Variants in SRGAP1 observed in about 807,000 individuals in gnomAD.
The protein encoded by SRGAP1 is SLIT-ROBO Rho GTPase activating protein 1, also known as SLIT-ROBO Rho GTPase-activating protein 1.
In SRGAP1, 43 loss-of-function variants were observed where a neutral mutation model predicts 121.9. That is an observed-to-expected ratio of 0.35 (90% CI 0.28 to 0.46). The LOEUF is 0.46. SRGAP1 is among the 20% of genes least tolerant of loss of function. SRGAP1 has a pLI of 1.00. For synonymous variants in SRGAP1, 447 were observed against 485.4 expected (o/e 0.92, Z 1.04); for missense variants, 1,102 against 1,350.9 (o/e 0.82, Z 2.89).
chr12:64,134,337 C>T (rs528408671), intron 21 of SRGAP1, among the ~76,000 whole-genome samples: 6 of 151,360 alleles, frequency 4.0e-5, no homozygotes, highest in Admixed American at 1.3e-4. Context: ...AGGAGAATGG[C>T]GTGAACCCGG....
intron 1 of SRGAP1, among the ~76,000 whole-genome samples, chr12:63,859,562 C>T (rs955233908): frequency 6.6e-6 from 1 of 152,040 alleles, no homozygotes; most frequent in East Asian, 1.9e-4. Flanking sequence ...ATTTATTGTT[C>T]TTTACCTATT....
intron 4 of SRGAP1, among the ~76,000 whole-genome samples, chr12:64,020,896 AG>A (rs2034532067): frequency 1.3e-5 from 2 of 151,570 alleles, no homozygotes; most frequent in South Asian, 4.2e-4. Context: ...CCTTGAACAA[AG>A]GTTCTCAAAA....
chr12:63,958,049 A>G (rs2032528085), intron 1 of SRGAP1, among the ~76,000 whole-genome samples: 2 of 143,062 alleles, frequency 1.4e-5, no homozygotes, highest in South Asian at 4.6e-4. Context: ...CTTTGAAACT[A>G]GCTTCTTTTC....
At chr12:64,011,451 G>C (rs1197499142) in intron 3 of SRGAP1, among the ~76,000 whole-genome samples, 2 of 152,100 alleles carry the variant, frequency 1.3e-5, no homozygotes, top group African/African-American at 4.8e-5. Flanking sequence ...CTTCTAACAT[G>C]TATCAGGAGT....
chr12:64,108,810 A>T, intron 15 of SRGAP1, 122 bp from the exon 16 acceptor site: 1 of 551,464 alleles, frequency 1.8e-6, no homozygotes, highest in Non-Finnish European at 3.0e-6. Flanking sequence ...TTACAATTGG[A>T]TCTCACACAA....
chr12:63,948,793 T>C (rs1267403993), intron 1 of SRGAP1, among the ~76,000 whole-genome samples: 2 of 144,726 alleles, frequency 1.4e-5, no homozygotes, highest in South Asian at 2.2e-4. Flanking sequence ...ATATATGTTT[T>C]CCATATATAT....
chr12:64,130,422 G>A (rs1200368140), intron 21 of SRGAP1, among the ~76,000 whole-genome samples: 2 of 152,140 alleles, frequency 1.3e-5, no homozygotes, highest in Non-Finnish European at 2.9e-5. Flanking sequence ...TTGCTAGGGG[G>A]TCACTAGGGA....
intron 1 of SRGAP1, among the ~76,000 whole-genome samples, chr12:63,879,908 C>T (rs1166211355): frequency 3.9e-5 from 6 of 152,092 alleles, no homozygotes; most frequent in East Asian, 1.9e-4. Context: ...CCAAGATGGC[C>T]GTTGATTGGA....
rs528732589 is a variant in SRGAP1, at chr12:64,006,855, G to A, written c.427-10095G>A. Among the ~76,000 whole-genome samples the A allele has an allele frequency of 4.6e-5, 7 of 152,244 alleles. No homozygotes were observed. In the East Asian group the frequency reaches 1.4e-3, roughly 29 times the overall value. ...CTGTTGACTTTTAAAAGCCCTGTTA[G>A]TAATTTAAATCCAGAATATTTTTAT... is the stretch of plus-strand genomic sequence containing the variant. On this transcript the variant is annotated intron_variant, in intron 3 of 21. Transcript: ENST00000355086.
chr12:63,943,488 A>C (rs1472154676), intron 1 of SRGAP1, among the ~76,000 whole-genome samples: 1 of 152,246 alleles, frequency 6.6e-6, no homozygotes, highest in African/African-American at 2.4e-5. Context: ...TTACACTTAA[A>C]GAAATTGAGG....
At chr12:64,017,791 A>G (rs1287241823) in intron 4 of SRGAP1, among the ~76,000 whole-genome samples, 1 of 152,022 alleles carries the variant, frequency 6.6e-6, no homozygotes, top group Non-Finnish European at 1.5e-5. Context: ...TTTGAAGGAT[A>G]TCTTTTTTTT....
intron 1 of SRGAP1, among the ~76,000 whole-genome samples, chr12:63,849,890 T>C (rs1237356181): frequency 1.3e-5 from 2 of 152,210 alleles, no homozygotes; most frequent in Non-Finnish European, 2.9e-5. Flanking sequence ...CCTCACATAG[T>C]AGATATCTAA....
intron 4 of SRGAP1, among the ~76,000 whole-genome samples, chr12:64,040,523 T>C (rs2034992763): frequency 6.6e-6 from 1 of 152,204 alleles, no homozygotes; most frequent in East Asian, 1.9e-4. Flanking sequence ...ACACCTTACA[T>C]GTGTTGTTTC....
chr12:64,146,864 A>G lies in SRGAP1; in HGVS notation c.*4192A>G, dbSNP rs1592364084. ...AAAGCAAACTGGAATTTGAGCTTTC[A>G]CTTACCCTAGTATACGTTCTTAAAA... On this transcript the variant is annotated 3_prime_UTR_variant, in exon 22 of 22. Coordinates refer to ENST00000355086, the MANE Select transcript of SRGAP1 (RefSeq NM_020762.4). 6.8e-6 allele frequency: 1 copy of G among 146,798 alleles called. No individual in the cohort carries two copies. Among genetic ancestry groups the G allele is most frequent in the East Asian group, 2.0e-4 (1 of 4,890 alleles). 9.1% of individuals were successfully genotyped at this position (146,798 alleles called of 1,614,324 possible).
At chr12:63,999,885 C>T (rs918080835) in intron 3 of SRGAP1, among the ~76,000 whole-genome samples, 8 of 151,954 alleles carry the variant, frequency 5.3e-5, no homozygotes, top group East Asian at 1.9e-4. Context: ...AAGAAAAACT[C>T]GCAGCAAAAC....
Position 63,903,677 on chromosome 12 carries a change from C to T in SRGAP1, c.67+58794C>T, listed in dbSNP as rs943697344. Among the ~76,000 whole-genome samples, 2 of 152,160 alleles carry T rather than the reference C, an allele frequency of 1.3e-5. 1 individual carries two copies. Among genetic ancestry groups the T allele is most frequent in the South Asian group, 4.1e-4 (2 of 4,826 alleles). On this transcript the variant is annotated intron_variant, in intron 1 of 21. Coordinates refer to ENST00000355086, the MANE Select transcript of SRGAP1 (RefSeq NM_020762.4). The stretch of plus-strand genomic sequence containing the variant: ...TGAGACAGAGTCTCACTCTGTTGCC[C>T]AGGCTGGAGTGCAGTGGTGTGGTCT...
At chr12:63,986,104 T>TC (rs1340341664) in intron 2 of SRGAP1, among the ~76,000 whole-genome samples, 1 of 152,040 alleles carries the variant, frequency 6.6e-6, no homozygotes, top group East Asian at 1.9e-4. Context: ...TCTTCTCTTT[T>TC]CTCTCTTCTC....
intron 1 of SRGAP1, among the ~76,000 whole-genome samples, chr12:63,859,219 T>G (rs746466379): frequency 4.6e-5 from 7 of 152,322 alleles, no homozygotes; most frequent in Admixed American, 6.5e-5. Flanking sequence ...TCATCCAGGC[T>G]GGCATTCAGT....
chr12:64,118,357 C>T (rs1255400873), intron 18 of SRGAP1, among the ~76,000 whole-genome samples: 1 of 152,108 alleles, frequency 6.6e-6, no homozygotes, highest in East Asian at 1.9e-4. Flanking sequence ...GCAGCCTGGA[C>T]TTCCCCGGCT....
Sources: gnomAD v4.1 joint callset for allele counts (sites outside exome capture counted in the v4.1 genomes callset) on GRCh38, gnomAD v4.1.1 for gene constraint, MANE v1.5 for transcripts, NCBI Gene and HGNC (gene_info 2026-07-23, HGNC 2026-07-21) for gene names.